The following GNA14 variants were observed in gnomAD, a reference collection of about 807,000 sequenced individuals.
GNA14 encodes G protein subunit alpha 14, also known as guanine nucleotide-binding protein subunit alpha-14.
A neutral mutation model predicts 42.0 loss-of-function variants in GNA14; 50 were observed. The observed-to-expected ratio is 1.19, with a 90% CI of 0.95 to 1.51. GNA14 has a LOEUF of 1.51. Among genes scored for constraint, GNA14 ranks in the 40% most tolerant of loss-of-function variants. GNA14 has a pLI of 0.00. For missense variants in GNA14, 473 were observed against 446.2 expected, an observed-to-expected ratio of 1.06 and a Z score of -0.54; for synonymous variants, 173 against 163.1, an observed-to-expected ratio of 1.06 and a Z score of -0.46.
intron 1 of GNA14, among the ~76,000 whole-genome samples, chr9:77,635,049 G>A (rs1243989059): frequency 2.6e-5 from 4 of 152,060 alleles, no homozygotes; most frequent in Non-Finnish European, 4.4e-5. Context: ...TTTTTTTGGG[G>A]AACAGGTGGT....
At chr9:77,571,792 C>T (rs1006550821) in intron 1 of GNA14, among the ~76,000 whole-genome samples, 11 of 150,844 alleles carry the variant, frequency 7.3e-5, no homozygotes, top group African/African-American at 2.7e-4. Flanking sequence ...TGTGAATACA[C>T]AGGCATTTAA....
At chr9:77,554,939 A>AC (rs1270472979) in intron 1 of GNA14, among the ~76,000 whole-genome samples, 1 of 152,192 alleles carries the variant, frequency 6.6e-6, no homozygotes, top group African/African-American at 2.4e-5. Flanking sequence ...CAGATAACAA[A>AC]ACGTTGGTGG....
At chr9:77,475,820 A>G (rs748772095) in intron 2 of GNA14, among the ~76,000 whole-genome samples, 10 of 152,162 alleles carry the variant, frequency 6.6e-5, no homozygotes, top group Admixed American at 6.5e-4. Flanking sequence ...TCTGGAAAGG[A>G]GACCTACGTG....
chr9:77,527,298 T>C lies in GNA14; in HGVS notation c.309+1771A>G, dbSNP rs1373339645. On this transcript the variant is annotated intron_variant, in intron 2 of 6. Transcript: ENST00000341700. ...CTTTTCAAAAAGATACAGCAATGTA[T>C]AAAGGAATCATCTCAGTCACTTCTA... Among the ~76,000 whole-genome samples, 3 of 152,266 alleles carry C rather than the reference T, an allele frequency of 2.0e-5. No homozygotes were observed. In the East Asian group the frequency reaches 5.8e-4, roughly 29 times the overall value.
chr9:77,619,737 CATA>C (rs1823892513), intron 1 of GNA14, among the ~76,000 whole-genome samples: 1 of 152,142 alleles, frequency 6.6e-6, no homozygotes, highest in African/African-American at 2.4e-5. Context: ...GTCAGCACTA[CATA>C]ATGTTATTGC....
At chr9:77,561,527 A>C (rs1822883484) in intron 1 of GNA14, among the ~76,000 whole-genome samples, 1 of 152,226 alleles carries the variant, frequency 6.6e-6, no homozygotes, top group Admixed American at 6.5e-5. Context: ...CCAGCCTTAA[A>C]AAGGAAGGAA....
rs186861252 is a variant in GNA14 at position 77,522,925 on chromosome 9, G to C, written c.309+6144C>G. On this transcript the variant is annotated intron_variant, in intron 2 of 6. Coordinates refer to ENST00000341700, the MANE Select transcript of GNA14 (RefSeq NM_004297.4). Reference sequence around the variant, plus strand: ...CCTGCAAAAACTTCAAACAAAATTCGCAGAGGCCTTGTGAGTCGATTCAAA... The same window carrying C: ...CCTGCAAAAACTTCAAACAAAATTCCCAGAGGCCTTGTGAGTCGATTCAAA... Among the ~76,000 whole-genome samples the C allele has an allele frequency of 7.2e-4, 109 of 152,258 alleles. 1 individual carries two copies. Among genetic ancestry groups the C allele is most frequent in the Middle Eastern group, 6.8e-3 (2 of 294 alleles).
At chr9:77,620,304 G>T (rs1268537739) in intron 1 of GNA14, among the ~76,000 whole-genome samples, 1 of 152,168 alleles carries the variant, frequency 6.6e-6, no homozygotes, top group Non-Finnish European at 1.5e-5. Context: ...GCCATACTGG[G>T]ATTTATACCA....
chr9:77,474,194 A>G lies in GNA14; in HGVS notation c.310-39672T>C, dbSNP rs891048874. Among the ~76,000 whole-genome samples, 3 of 152,338 alleles carry G rather than the reference A, an allele frequency of 2.0e-5. No homozygotes were observed. In the South Asian group the frequency reaches 6.2e-4, roughly 32 times the overall value. On this transcript the variant is annotated intron_variant, in intron 2 of 6. Coordinates refer to ENST00000341700, the MANE Select transcript of GNA14 (RefSeq NM_004297.4). Reference sequence around the variant, plus strand: ...ATTAAAAACTTTTATACTTTAAGGAACACTTGTCAAAAAAGTAAAAAGACA... The same window carrying G: ...ATTAAAAACTTTTATACTTTAAGGAGCACTTGTCAAAAAAGTAAAAAGACA...
At chr9:77,629,952 T>C (rs1041167295) in intron 1 of GNA14, among the ~76,000 whole-genome samples, 4 of 152,196 alleles carry the variant, frequency 2.6e-5, no homozygotes, top group African/African-American at 9.7e-5. Context: ...AATCTTGTCC[T>C]TATTTATGGT....
At chr9:77,582,380 C>G (rs1040004096) in intron 1 of GNA14, among the ~76,000 whole-genome samples, 1 of 152,202 alleles carries the variant, frequency 6.6e-6, no homozygotes, top group African/African-American at 2.4e-5. Flanking sequence ...ACCTCTCCCC[C>G]TCCCCTACTG....
At chr9:77,485,207 T>C (rs370360621) in intron 2 of GNA14, among the ~76,000 whole-genome samples, 63 of 152,210 alleles carry the variant, frequency 4.1e-4, no homozygotes, top group African/African-American at 1.4e-3. Context: ...ACTCTAAATC[T>C]TTTGTTGTCA....
chr9:77,647,846 C>A lies in GNA14; in HGVS notation c.-53G>T, dbSNP rs938789180. On this transcript the variant is annotated 5_prime_UTR_variant, in exon 1 of 7. Coordinates refer to ENST00000341700, the MANE Select transcript of GNA14 (RefSeq NM_004297.4). ...GCGACGCGGCCCCGGGCACCCGAAT[C>A]CTCGGCCCGGCCGCTCACCCGGCCA... is the stretch of plus-strand genomic sequence containing the variant. The A allele has an allele frequency of 1.3e-6, 2 of 1,572,892 alleles. No individual in the cohort carries two copies. The highest frequency in any genetic ancestry group is 1.7e-6 in the Non-Finnish European group (2 of 1,164,506).
chr9:77,507,577 G>A (rs964783951), intron 2 of GNA14, among the ~76,000 whole-genome samples: 3 of 152,084 alleles, frequency 2.0e-5, no homozygotes, highest in Non-Finnish European at 4.4e-5. Flanking sequence ...ATTTCCCTCT[G>A]TTTTCATTGA....
chr9:77,552,126 C>CAA (rs34493872), intron 1 of GNA14, among the ~76,000 whole-genome samples: 15 of 85,062 alleles, frequency 1.8e-4, no homozygotes, highest in African/African-American at 3.0e-4. Context: ...AACTCCATCT[C>CAA]AAAAAAAAAA....
chr9:77,455,220 C>A (rs76223667), intron 2 of GNA14, among the ~76,000 whole-genome samples: 8,600 of 152,286 alleles, frequency 0.056, 344 homozygotes, highest in Non-Finnish European at 0.082. Flanking sequence ...TCTCTCTCAG[C>A]TCCTAGAGGC....
intron 1 of GNA14, among the ~76,000 whole-genome samples, chr9:77,589,853 A>G (rs1297446232): frequency 2.0e-5 from 3 of 152,252 alleles, no homozygotes; most frequent in Non-Finnish European, 4.4e-5. Flanking sequence ...TCAGGGAAAC[A>G]TCAAATATGA....
At position 77,647,747 on chromosome 9, in the gene GNA14, C is replaced by A. The variant is rs751699547; in HGVS notation, c.47G>T (p.Arg16Leu). Residue 16 changes from arginine to leucine, a missense_variant, in exon 1 of 7, where the codon CGC (arginine) becomes CTC (leucine). Transcript: ENST00000341700. Reference protein sequence around the residue: ...CLSAEEKESQRISAEIERQLR... With the variant: ...CLSAEEKESQLISAEIERQLR... ...CTGTCGCTCGATCTCCGCGCTGATG[C>A]GCTGCGACTCCTTCTCCTCCGCGGA... The A allele has an allele frequency of 6.2e-7, 1 of 1,609,798 alleles. No individual in the cohort carries two copies. The highest frequency in any genetic ancestry group is 1.7e-5 in the Admixed American group (1 of 59,612).
At chr9:77,566,029 T>C (rs942196344) in intron 1 of GNA14, among the ~76,000 whole-genome samples, 2 of 152,074 alleles carry the variant, frequency 1.3e-5, no homozygotes, top group Admixed American at 6.5e-5. Context: ...CATCTGGCAA[T>C]GCACAGGACA....
Sources: gnomAD v4.1 joint callset for allele counts (sites outside exome capture counted in the v4.1 genomes callset) on GRCh38, gnomAD v4.1.1 for gene constraint, MANE v1.5 for transcripts, NCBI Gene and HGNC (gene_info 2026-07-23, HGNC 2026-07-21) for gene names.